Variants in MYT1L observed in about 807,000 individuals in gnomAD.
The protein encoded by MYT1L is myelin transcription factor 1-like protein.
A neutral mutation model predicts 126.7 loss-of-function variants in MYT1L; 12 were observed. The observed-to-expected ratio is 0.09, with a 90% CI of 0.06 to 0.15. MYT1L has a LOEUF of 0.15. MYT1L is among the 10% of genes least tolerant of loss of function. The pLI is 1.00. For missense variants in MYT1L, 979 were observed against 1,585.2 expected (o/e 0.62, Z 6.49); for synonymous variants, 541 against 604.2 (o/e 0.90, Z 1.53).
chr2:1,909,806 C>G (rs1438068932), intron 13 of MYT1L, among the ~76,000 whole-genome samples: 1 of 152,190 alleles, frequency 6.6e-6, no homozygotes. Flanking sequence ...AGCTTCCACA[C>G]GTGTGCACAG....
intron 23 of MYT1L, among the ~76,000 whole-genome samples, chr2:1,800,903 C>T (rs573026060): frequency 6.6e-6 from 1 of 152,008 alleles, no homozygotes; most frequent in South Asian, 2.1e-4. Flanking sequence ...GAATGGAGAC[C>T]TCATTTCTAA....
intron 3 of MYT1L, among the ~76,000 whole-genome samples, chr2:2,153,682 T>C (rs936917639): frequency 9.9e-5 from 15 of 152,188 alleles, no homozygotes; most frequent in Non-Finnish European, 2.9e-5. Flanking sequence ...CAACTAGTGA[T>C]GCTAGTGAGT....
At chr2:2,069,700 C>T (rs527526878) in intron 3 of MYT1L, among the ~76,000 whole-genome samples, 3 of 151,984 alleles carry the variant, frequency 2.0e-5, no homozygotes, top group Admixed American at 6.5e-5. Context: ...AGTGTAAAAG[C>T]GTTCCTGTTT....
At chr2:1,951,170 G>A (rs1056059878) in intron 8 of MYT1L, among the ~76,000 whole-genome samples, 4 of 152,050 alleles carry the variant, frequency 2.6e-5, no homozygotes, top group African/African-American at 7.2e-5. Flanking sequence ...TAAATTTGAG[G>A]TGTCTCAGCT....
chr2:2,044,636 C>G lies in MYT1L; in HGVS notation c.-158+9342G>C, dbSNP rs573921627. ...GACTCTAGGTCTTTCTAAATATTTG[C>G]GTTGATAGTATAAACGGACCCATGA... is the stretch of plus-strand genomic sequence containing the variant. On this transcript the variant is annotated intron_variant, in intron 4 of 24. Coordinates refer to ENST00000647738, the MANE Select transcript of MYT1L (RefSeq NM_001303052.2). Among the ~76,000 whole-genome samples, 20 of 152,214 alleles carry G rather than the reference C, an allele frequency of 1.3e-4. No homozygotes were observed. The South Asian group carries it at 4.1e-3, about 32-fold the overall frequency.
At chr2:2,065,662 G>C (rs1294218519) in intron 3 of MYT1L, among the ~76,000 whole-genome samples, 2 of 152,038 alleles carry the variant, frequency 1.3e-5, no homozygotes, top group Non-Finnish European at 2.9e-5. Flanking sequence ...CAATGAGTTC[G>C]CACTCAGAAC....
chr2:2,210,524 A>C (rs936053458), intron 2 of MYT1L, among the ~76,000 whole-genome samples: 1 of 152,172 alleles, frequency 6.6e-6, no homozygotes, highest in African/African-American at 2.4e-5. Flanking sequence ...TTTGTCAAAA[A>C]TGAGTTCACT....
chr2:1,898,912 T>C (rs1458089209), intron 14 of MYT1L, among the ~76,000 whole-genome samples: 1 of 152,178 alleles, frequency 6.6e-6, no homozygotes, highest in East Asian at 1.9e-4. Context: ...GAGCTGAGTC[T>C]GCAGCTGCCC....
intron 3 of MYT1L, among the ~76,000 whole-genome samples, chr2:2,167,592 T>A (rs1441887693): frequency 6.6e-6 from 1 of 152,208 alleles, no homozygotes; most frequent in Non-Finnish European, 1.5e-5. Flanking sequence ...ACGCCCACCC[T>A]GCCTTCCCTC....
At chr2:1,864,657 C>T (rs750940770) in intron 18 of MYT1L, among the ~76,000 whole-genome samples, 5 of 152,184 alleles carry the variant, frequency 3.3e-5, no homozygotes, top group Non-Finnish European at 5.9e-5. Context: ...GGGCTGAGCC[C>T]GGATGGGAGG....
intron 18 of MYT1L, among the ~76,000 whole-genome samples, chr2:1,882,135 A>C (rs1433265281): frequency 1.3e-5 from 2 of 152,112 alleles, no homozygotes; most frequent in African/African-American, 4.8e-5. Flanking sequence ...GTCCATTGTC[A>C]GGCACCCTAC....
intron 5 of MYT1L, among the ~76,000 whole-genome samples, chr2:1,984,485 T>C (rs1025269983): frequency 2.0e-5 from 3 of 150,528 alleles, no homozygotes; most frequent in African/African-American, 4.9e-5. Flanking sequence ...GTGTGAGCCA[T>C]GGTACCTGGC....
chr2:2,095,202 C>T (rs115516866), intron 3 of MYT1L, among the ~76,000 whole-genome samples: 4 of 152,142 alleles, frequency 2.6e-5, no homozygotes, highest in South Asian at 2.1e-4. Context: ...CTGAGTTTCC[C>T]GTTAGTCCCT....
chr2:1,974,566 T>C (rs1024239279), intron 8 of MYT1L: 2 of 152,146 alleles, frequency 1.3e-5, no homozygotes, highest in Non-Finnish European at 2.9e-5. Flanking sequence ...GTTAGCTTCC[T>C]AGGAGGTCTG....
intron 4 of MYT1L, among the ~76,000 whole-genome samples, chr2:1,998,149 G>A (rs886937472): frequency 6.6e-6 from 1 of 152,178 alleles, no homozygotes; most frequent in African/African-American, 2.4e-5. Flanking sequence ...GGAGCCTTGG[G>A]TGGTGGCATT....
At position 1,811,335 on chromosome 2, in the gene MYT1L, G is replaced by A. The variant is rs2036593764; in HGVS notation, c.3081-2168C>T. On this transcript the variant is annotated intron_variant, in intron 21 of 24. Coordinates refer to ENST00000647738, the MANE Select transcript of MYT1L (RefSeq NM_001303052.2). The surrounding 1 kb of genome is among the most constrained non-coding windows in gnomAD (Gnocchi z 4.4). ...CCTAGGTTCAGTGGGAGAAGGAGCAGCGGGGACTTTAACCCCAGCGTCATC... is the reference window on the plus strand; with the variant it reads ...CCTAGGTTCAGTGGGAGAAGGAGCAACGGGGACTTTAACCCCAGCGTCATC... 1 of 150,966 alleles carries A rather than the reference G, an allele frequency of 6.6e-6. No homozygotes were observed. Among genetic ancestry groups the A allele is most frequent in the Non-Finnish European group, 1.5e-5 (1 of 68,042 alleles). 9.4% of individuals were successfully genotyped at this position (150,966 alleles called of 1,614,324 possible).
chr2:1,989,537 AGGATCGCATGAAGGTT>A (rs2061316640), intron 5 of MYT1L, among the ~76,000 whole-genome samples: 1 of 152,242 alleles, frequency 6.6e-6, no homozygotes, highest in East Asian at 1.9e-4. Context: ...GGTTTGATTA[AGGATCGCATGAAGGTT>A]GGACACACCT....
chr2:2,220,839 T>C (rs992467509), intron 2 of MYT1L, among the ~76,000 whole-genome samples: 2 of 152,072 alleles, frequency 1.3e-5, no homozygotes, highest in Non-Finnish European at 2.9e-5. Context: ...TAGATAGGAA[T>C]GTGGGCAAGA....
chr2:1,877,836 C>T (rs905260073), intron 18 of MYT1L, among the ~76,000 whole-genome samples: 1 of 151,332 alleles, frequency 6.6e-6, no homozygotes, highest in Non-Finnish European at 1.5e-5. Context: ...CTTCCTAATT[C>T]AACATGAAAA....
Sources: allele counts gnomAD v4.1 joint callset (sites outside exome capture counted in the v4.1 genomes callset), GRCh38; gene constraint gnomAD v4.1.1; non-coding constraint Gnocchi (gnomAD v3.1); transcripts MANE v1.5; gene names NCBI Gene and HGNC (gene_info 2026-07-23, HGNC 2026-07-21).